FTCDNL1: variants seen among roughly 807,000 people sequenced by gnomAD.
FTCDNL1 encodes the protein formiminotransferase cyclodeaminase N-terminal like, also known as formiminotransferase N-terminal subdomain-containing protein.
A neutral mutation model predicts 5.9 loss-of-function variants in FTCDNL1; 11 were observed. The ratio of observed to expected loss-of-function variants is 1.87; its 90% CI spans 1.18 to 3.10. The LOEUF is 3.10. Ranked by LOEUF, FTCDNL1 falls within the 30% of genes most tolerant of loss-of-function variation. FTCDNL1 has a pLI of 0.00. For missense variants in FTCDNL1, 115 were observed against 65.5 expected (o/e 1.76, Z -2.61); for synonymous variants, 58 against 24.8 (o/e 2.34, Z -3.99).
intron 3 of FTCDNL1, among the ~76,000 whole-genome samples, chr2:199,791,844 A>C (rs1036746155): frequency 1.3e-5 from 2 of 152,126 alleles, no homozygotes; most frequent in African/African-American, 4.8e-5. Context: ...ATTCAAATAT[A>C]TGTATATGCA....
intron 3 of FTCDNL1, among the ~76,000 whole-genome samples, chr2:199,770,379 A>G (rs1334271397): frequency 1.3e-5 from 2 of 152,192 alleles, no homozygotes; most frequent in East Asian, 1.9e-4. Context: ...GAGATGACCT[A>G]AAGTCCAACA....
chr2:199,832,838 G>A (rs1702463813), intron 3 of FTCDNL1, among the ~76,000 whole-genome samples: 1 of 152,074 alleles, frequency 6.6e-6, no homozygotes, highest in Non-Finnish European at 1.5e-5. Context: ...CTGATAGGAT[G>A]ACACTATTCT....
intron 3 of FTCDNL1, 75 bp downstream of exon 3, chr2:199,846,000 A>AGATTTACAG: frequency 1.7e-6 from 1 of 599,082 alleles, no homozygotes; most frequent in Non-Finnish European, 3.0e-6. Context: ...AGAGGAAATC[A>AGATTTACAG]ATGATTAGAG....
the FTCDNL1 span, among the ~76,000 whole-genome samples, chr2:199,669,368 G>A: frequency 6.6e-6 from 1 of 152,122 alleles, no homozygotes; most frequent in Non-Finnish European, 1.5e-5. Context: ...CAGCTTGGAG[G>A]AAAAGCTAAT....
intron 3 of FTCDNL1, among the ~76,000 whole-genome samples, chr2:199,831,893 G>C (rs560376880): frequency 1.3e-5 from 2 of 152,150 alleles, no homozygotes; most frequent in Non-Finnish European, 1.5e-5. Context: ...TTAATGTGTC[G>C]AGGTCTGCTT....
the FTCDNL1 span, among the ~76,000 whole-genome samples, chr2:199,731,502 CT>C: frequency 2.4e-4 from 37 of 152,274 alleles, no homozygotes; most frequent in Non-Finnish European, 2.6e-4. Context: ...TCACATATCA[CT>C]CATCATTAAC....
At chr2:199,792,206 T>C (rs111365435) in intron 3 of FTCDNL1, among the ~76,000 whole-genome samples, 2 of 152,200 alleles carry the variant, frequency 1.3e-5, no homozygotes, top group African/African-American at 4.8e-5. Context: ...ATTTGAAATA[T>C]GAAGCCCCAA....
At chr2:199,664,076 C>A in the FTCDNL1 span, among the ~76,000 whole-genome samples, 3 of 151,130 alleles carry the variant, frequency 2.0e-5, no homozygotes, top group African/African-American at 7.3e-5. Flanking sequence ...TGAACAAGCC[C>A]CCAGAGCATT....
intron 3 of FTCDNL1, among the ~76,000 whole-genome samples, chr2:199,769,775 G>T (rs1479219819): frequency 6.6e-6 from 1 of 152,064 alleles, no homozygotes; most frequent in Non-Finnish European, 1.5e-5. Context: ...ACTAGCCCAG[G>T]GTACAGCACC....
chr2:199,769,759 A>C (rs1698719525), intron 3 of FTCDNL1, among the ~76,000 whole-genome samples: 1 of 152,012 alleles, frequency 6.6e-6, no homozygotes, highest in African/African-American at 2.4e-5. Context: ...ATGGCTCACC[A>C]CTGTCACTAG....
Position 199,819,690 on chromosome 2 carries a change from C to A in FTCDNL1, c.279G>T (p.Leu93=). 1.4e-6 allele frequency: 1 copy of A among 702,342 alleles called. No homozygotes were observed. The highest frequency in any genetic ancestry group is 1.5e-5 in the South Asian group (1 of 67,596). 43.5% of individuals were successfully genotyped at this position (702,342 alleles called of 1,614,324 possible). A position where few individuals can be genotyped will look rare whatever the true frequency, so the allele number is the denominator to read the frequency against. ...TCTGCACAAGACTGCGCTTCTCAGG[C>A]AGGTCAGCTTCGCCAAAGAGAAACA... ...CSVFLFGEAD[L]PEKRSLVQRR... The change falls in exon 4 of 5, where the codon CTG becomes CTT. Residue 93 remains leucine, a synonymous_variant. Coordinates refer to ENST00000420128, the MANE Select transcript of FTCDNL1 (RefSeq NM_001363886.2).
At chr2:199,757,528 G>A (rs1480693715), downstream of FTCDNL1, among the ~76,000 whole-genome samples, 1 of 152,178 alleles carries the variant, frequency 6.6e-6, no homozygotes, top group Non-Finnish European at 1.5e-5. Flanking sequence ...GGAAAGGGAT[G>A]GTGTCCCCAG....
intron 3 of FTCDNL1, among the ~76,000 whole-genome samples, chr2:199,773,025 TG>T (rs1302838312): frequency 6.6e-6 from 1 of 152,222 alleles, no homozygotes; most frequent in Non-Finnish European, 1.5e-5. Flanking sequence ...TTGTCTTTTT[TG>T]TTTGGCCAGA....
chr2:199,761,402 A>G (rs1363037866), intron 3 of FTCDNL1, among the ~76,000 whole-genome samples: 1 of 152,212 alleles, frequency 6.6e-6, no homozygotes, highest in Non-Finnish European at 1.5e-5. Context: ...GGATGAGATT[A>G]CGTCTCTCTC....
chr2:199,793,012 A>G (rs1700005268), intron 3 of FTCDNL1, among the ~76,000 whole-genome samples: 1 of 152,184 alleles, frequency 6.6e-6, no homozygotes, highest in African/African-American at 2.4e-5. Flanking sequence ...GGGAGCATAC[A>G]CACAAAAACA....
chr2:199,757,587 C>G (rs1374811563), downstream of FTCDNL1, among the ~76,000 whole-genome samples: 1 of 152,232 alleles, frequency 6.6e-6, no homozygotes, highest in South Asian at 2.1e-4. Flanking sequence ...ACAAATAACA[C>G]TCATTGAAAA....
chr2:199,687,117 C>T, the FTCDNL1 span, among the ~76,000 whole-genome samples: 1 of 152,172 alleles, frequency 6.6e-6, no homozygotes, highest in African/African-American at 2.4e-5. Context: ...TTTTAAATTA[C>T]AGAACCTCCA....
intron 3 of FTCDNL1, among the ~76,000 whole-genome samples, chr2:199,773,786 T>G (rs12615435): frequency 0.076 from 11,504 of 152,282 alleles, 551 homozygotes; most frequent in East Asian, 0.2. Context: ...ATTATGACAT[T>G]GCTTTTCATT....
chr2:199,681,796 A>G, the FTCDNL1 span, among the ~76,000 whole-genome samples: 1 of 152,170 alleles, frequency 6.6e-6, no homozygotes, highest in African/African-American at 2.4e-5. Flanking sequence ...TGTTATATAT[A>G]CGGGTGCTAA....
Sources: allele counts gnomAD v4.1 joint callset (sites outside exome capture counted in the v4.1 genomes callset), GRCh38; gene constraint gnomAD v4.1.1; transcripts MANE v1.5; gene names NCBI Gene and HGNC (gene_info 2026-07-23, HGNC 2026-07-21).